Variants in PRMT7 observed in about 807,000 individuals in gnomAD.
PRMT7 encodes the protein protein arginine N-methyltransferase 7.
A neutral mutation model predicts 85.4 loss-of-function variants in PRMT7; 75 were observed. That is an observed-to-expected ratio of 0.88 (90% CI 0.73 to 1.06). PRMT7 has a LOEUF of 1.06. Among genes scored for constraint, PRMT7 ranks in the 50% least tolerant of loss-of-function variants. The pLI, the probability that PRMT7 is intolerant of heterozygous loss-of-function variation, is 0.00. For missense variants in PRMT7, 868 were observed against 915.2 expected (o/e 0.95, Z 0.67); for synonymous variants, 397 against 359.5 (o/e 1.10, Z -1.18).
At chr16:68,346,121 C>G (rs2086321192) in intron 10 of PRMT7, 24 bp from the exon 11 acceptor site, 1 of 1,612,158 alleles carries the variant, frequency 6.2e-7, no homozygotes, top group East Asian at 2.2e-5. Context: ...CAGCCCACGT[C>G]TGTTTGTTCA....
chr16:68,322,804 A>G (rs71393989), intron 4 of PRMT7, among the ~76,000 whole-genome samples: 1 of 151,998 alleles, frequency 6.6e-6, no homozygotes, highest in East Asian at 1.9e-4. Flanking sequence ...AAGCCGAGGC[A>G]GGCAGATCAC....
rs993358584 is a variant in PRMT7 at position 68,339,392 on chromosome 16, C to T, written c.575C>T (p.Ser192Leu). 10 of 1,614,038 alleles carry T rather than the reference C, an allele frequency of 6.2e-6. No homozygotes were observed. The highest frequency in any genetic ancestry group is 7.6e-6 in the Non-Finnish European group (9 of 1,180,048). ...CTGGTGGAGTCCGGGAGGATGTGGT[C>T]GTGGAACAAGCTATTTCCCATCCAC... is the stretch of plus-strand genomic sequence containing the variant. ...AQLVESGRMW[S>L]WNKLFPIHVQ... Residue 192 changes from serine to leucine, a missense_variant, in exon 8 of 19, where the codon TCG (serine) becomes TTG (leucine). Ser to Leu is a moderately radical substitution (Grantham distance 145, BLOSUM62 -2). Coordinates refer to ENST00000441236, the MANE Select transcript of PRMT7 (RefSeq NM_019023.5).
chr16:68,316,545 C>T (rs374218223), intron 3 of PRMT7, among the ~76,000 whole-genome samples: 2 of 152,054 alleles, frequency 1.3e-5, no homozygotes, highest in African/African-American at 4.8e-5. Context: ...GTGGCCAGAT[C>T]ACCTGAGGTC....
intron 6 of PRMT7, among the ~76,000 whole-genome samples, chr16:68,332,908 T>C (rs2084108324): frequency 6.6e-6 from 1 of 152,184 alleles, no homozygotes; most frequent in African/African-American, 2.4e-5. Flanking sequence ...ACTTGTTTCA[T>C]ATATTTTGCC....
chr16:68,314,715 C>A (rs892031257), intron 2 of PRMT7, among the ~76,000 whole-genome samples: 30 of 152,066 alleles, frequency 2.0e-4, no homozygotes, highest in African/African-American at 6.3e-4. Flanking sequence ...TGTAGAACAC[C>A]TATTGCTTTC....
At chr16:68,356,240 C>T (rs1216041288) in intron 17 of PRMT7, among the ~76,000 whole-genome samples, 6 of 152,240 alleles carry the variant, frequency 3.9e-5, no homozygotes, top group African/African-American at 7.2e-5. Context: ...GTGCTGCTTG[C>T]GTCCAGGGAC....
intron 17 of PRMT7, among the ~76,000 whole-genome samples, chr16:68,356,360 A>T (rs1009708877): frequency 4.6e-5 from 7 of 152,124 alleles, no homozygotes; most frequent in African/African-American, 1.7e-4. Flanking sequence ...GGGCGCCATC[A>T]CCTGAGCTCC....
chr16:68,347,722 G>A (rs2151846405), intron 13 of PRMT7, 44 bp downstream of exon 13: 7 of 1,588,856 alleles, frequency 4.4e-6, no homozygotes, highest in Non-Finnish European at 6.0e-6. Flanking sequence ...AGGACCTGTG[G>A]GGTCTGGGTT....
chr16:68,347,465 G>A (rs1045466558), intron 12 of PRMT7, among the ~76,000 whole-genome samples, 166 bp from the exon 13 acceptor site: 7 of 152,182 alleles, frequency 4.6e-5, no homozygotes, highest in Non-Finnish European at 1.0e-4. Flanking sequence ...GCAGGCAGGC[G>A]TCAGGCCTCA....
intron 7 of PRMT7, among the ~76,000 whole-genome samples, chr16:68,338,214 G>T (rs1309938413): frequency 1.3e-5 from 2 of 152,134 alleles, no homozygotes; most frequent in East Asian, 3.9e-4. Context: ...TCGTCCAGAC[G>T]CTGTGGTACA....
At chr16:68,345,268 G>A (rs142964155) in intron 9 of PRMT7, among the ~76,000 whole-genome samples, 9 of 152,324 alleles carry the variant, frequency 5.9e-5, no homozygotes, top group South Asian at 2.1e-4. Context: ...TTTGGAATGC[G>A]TGCCATGGAC....
intron 3 of PRMT7, among the ~76,000 whole-genome samples, chr16:68,320,917 G>T (rs985553196): frequency 7.2e-5 from 11 of 152,086 alleles, no homozygotes; most frequent in Non-Finnish European, 4.4e-5. Flanking sequence ...GATTGAGGCT[G>T]TTCATAGCCA....
At chr16:68,316,566 G>T (rs974416449) in intron 3 of PRMT7, among the ~76,000 whole-genome samples, 1 of 152,100 alleles carries the variant, frequency 6.6e-6, no homozygotes, top group African/African-American at 2.4e-5. Context: ...AGGAGTTCGA[G>T]ACCAGCCTGA....
At chr16:68,319,518 C>G (rs544300118) in intron 3 of PRMT7, among the ~76,000 whole-genome samples, 11 of 148,896 alleles carry the variant, frequency 7.4e-5, no homozygotes, top group Non-Finnish European at 1.3e-4. Flanking sequence ...AAATAGTGAG[C>G]AGAGGTAGAA....
In PRMT7 at chr16:68,339,543, C is replaced by T. The variant is rs770009437; in HGVS notation, c.726C>T (p.Ser242=). ...CACCAGCCGACTTTACAGTCCTCAGCGATGTGCTGCCCATGTTCAGGTACC... is the reference window on the plus strand; with the variant it reads ...CACCAGCCGACTTTACAGTCCTCAGTGATGTGCTGCCCATGTTCAGGTACC... ...QVSPADFTVL[S]DVLPMFSIDF... Residue 242 remains serine (S), a synonymous_variant, in exon 8 of 19, where the codon AGC becomes AGT. Transcript: ENST00000441236. The T allele has an allele frequency of 3.7e-6, 6 of 1,613,856 alleles. No homozygotes were observed. The highest frequency in any genetic ancestry group is 2.2e-5 in the South Asian group (2 of 91,088).
At position 68,337,487 on chromosome 16, in the gene PRMT7, C is replaced by A. The variant is rs72792215; in HGVS notation, c.420C>A (p.Ile140=). ...PEGDMPCRAN[I]LVTELFDTEL... is the part of the protein sequence containing the mutation. ...GTGACATGCCATGCCGTGCCAACATCCTGGTCACAGAGTTGTTTGACACAG... is the reference window on the plus strand; with the variant it reads ...GTGACATGCCATGCCGTGCCAACATACTGGTCACAGAGTTGTTTGACACAG... The change falls in exon 7 of 19, where the codon ATC becomes ATA. Residue 140 remains isoleucine, a synonymous_variant. Coordinates refer to ENST00000441236, the MANE Select transcript of PRMT7 (RefSeq NM_019023.5). The A allele has an allele frequency of 2.1e-3, 3,442 of 1,611,548 alleles. 7 individuals are homozygous for A. The highest frequency in any genetic ancestry group is 2.6e-3 in the Non-Finnish European group (3,027 of 1,178,842).
chr16:68,335,516 A>G (rs1369566388), intron 6 of PRMT7, among the ~76,000 whole-genome samples: 2 of 151,904 alleles, frequency 1.3e-5, no homozygotes, highest in Non-Finnish European at 2.9e-5. Context: ...GTGGCAGAAG[A>G]CAGAAGTTTC....
At chr16:68,325,039 A>G (rs1199664257) in intron 5 of PRMT7, among the ~76,000 whole-genome samples, 1 of 152,240 alleles carries the variant, frequency 6.6e-6, no homozygotes, top group Non-Finnish European at 1.5e-5. Context: ...CCTAGGCTGC[A>G]CATCAGAATC....
rs1350342151 is a variant in PRMT7, at chr16:68,357,311, C to T, written c.*87C>T. On this transcript the variant is annotated 3_prime_UTR_variant, in exon 19 of 19. Coordinates refer to ENST00000441236, the MANE Select transcript of PRMT7 (RefSeq NM_019023.5). Reference sequence around the variant, plus strand: ...CGGGGAAGGCTGAAGGCCCTCCTCTCCTCTCTGGGAGCTGCTCGGCCTCAG... The same window carrying T: ...CGGGGAAGGCTGAAGGCCCTCCTCTTCTCTCTGGGAGCTGCTCGGCCTCAG... 5 of 1,393,796 alleles carry T rather than the reference C, an allele frequency of 3.6e-6. No individual in the cohort carries two copies. In the East Asian group the frequency reaches 7.1e-5, roughly 20 times the overall value. 86.3% of individuals were successfully genotyped at this position (1,393,796 alleles called of 1,614,324 possible).
Sources: allele counts gnomAD v4.1 joint callset (sites outside exome capture counted in the v4.1 genomes callset), GRCh38; gene constraint gnomAD v4.1.1; transcripts MANE v1.5; gene names NCBI Gene and HGNC (gene_info 2026-07-23, HGNC 2026-07-21).